Variants in LRRC55 observed in about 807,000 individuals in gnomAD.
The protein encoded by LRRC55 is leucine-rich repeat-containing protein 55.
LRRC55 carries 11 observed loss-of-function variants against 20.5 expected under a neutral mutation model. The observed-to-expected ratio is 0.54, with a 90% CI of 0.34 to 0.89. LRRC55 has a LOEUF of 0.89. Among genes scored for constraint, LRRC55 ranks in the 40% least tolerant of loss-of-function variants. The probability of loss-of-function intolerance (pLI) is 0.02; values close to 1 mark genes in which losing one functional copy is unlikely to be tolerated. For synonymous variants in LRRC55, 188 were observed against 166.6 expected (o/e 1.13, Z -0.99); for missense variants, 358 against 390.9 (o/e 0.92, Z 0.71).
At position 57,187,824 on chromosome 11, in the gene LRRC55, A is replaced by T. The variant is rs550346912; in HGVS notation, c.*344A>T. On this transcript the variant is annotated 3_prime_UTR_variant, in exon 2 of 2. Transcript: ENST00000497933. ...CCATCATCTGTATCTAGCAATGTCC[A>T]TGAGAATTATAAGATTAGAGTGATT... 2 of 370,500 alleles carry T rather than the reference A, an allele frequency of 5.4e-6. No homozygotes were observed. Among genetic ancestry groups the T allele is most frequent in the South Asian group, 5.9e-5 (2 of 33,630 alleles). 23.0% of individuals were successfully genotyped at this position (370,500 alleles called of 1,614,324 possible).
In LRRC55 at chr11:57,182,679, A is replaced by G. The variant is rs762406251; in HGVS notation, c.657A>G (p.Thr219=). The change falls in exon 1 of 2, where the codon ACA becomes ACG. Residue 219 remains threonine (T), a synonymous_variant. Transcript: ENST00000497933. ...TGCGAAACCGGATCCAGCGCTGTACAGCAGGTAATAGAGGGGCAGAACGGG... is the reference window on the plus strand; with the variant it reads ...TGCGAAACCGGATCCAGCGCTGTACGGCAGGTAATAGAGGGGCAGAACGGG... ...KWLRNRIQRC[T]ADSQLAECRG... is the part of the protein sequence containing the mutation. 2.0e-6 allele frequency: 3 copies of G among 1,500,194 alleles called. No homozygotes were observed. Among genetic ancestry groups the G allele is most frequent in the Non-Finnish European group, 2.7e-6 (3 of 1,123,832 alleles). The allele number at this position is 1,500,194 out of a possible 1,614,324, so 92.9% of individuals were successfully genotyped here. A position where few individuals can be genotyped will look rare whatever the true frequency, so the allele number is the denominator to read the frequency against.
chr11:57,182,717 G>A (rs780322178), intron 1 of LRRC55, 34 bp downstream of exon 1: 1 of 1,439,114 alleles, frequency 6.9e-7, no homozygotes, highest in Non-Finnish European at 9.2e-7. Context: ...AGTCAACAGG[G>A]AGGGCTTGCC....
Position 57,182,380 on chromosome 11 carries a change from C to T in LRRC55, c.358C>T (p.Leu120=), listed in dbSNP as rs933090902. The T allele has an allele frequency of 3.7e-6, 6 of 1,613,840 alleles. No individual in the cohort carries two copies. Among genetic ancestry groups the T allele is most frequent in the Non-Finnish European group, 5.1e-6 (6 of 1,179,964 alleles). Reference sequence around the variant, plus strand: ...TGCCAAGCGCTTGGCACACTTGGACCTGAGCTACAACAATTTCAGCCATGT... The same window carrying T: ...TGCCAAGCGCTTGGCACACTTGGACTTGAGCTACAACAATTTCAGCCATGT... ...LHAKRLAHLD[L]SYNNFSHVPA... Residue 120 remains leucine (L), a synonymous_variant, in exon 1 of 2, where the codon CTG becomes TTG. Transcript: ENST00000497933.
intron 1 of LRRC55, among the ~76,000 whole-genome samples, chr11:57,183,242 T>C (rs113129053): frequency 2.0e-5 from 3 of 152,226 alleles, no homozygotes; most frequent in African/African-American, 4.8e-5. Context: ...TTTTTTAGCA[T>C]TCCAAGTGTT....
rs1369691231 is a variant in LRRC55, at chr11:57,190,463, A to G, written c.*2983A>G. On this transcript the variant is annotated 3_prime_UTR_variant, in exon 2 of 2. Transcript: ENST00000497933. ...GCCATCATCTTGTCCAAGCTATCAG[A>G]AGCAACCTTCTAGAGATAATCTAAC... The G allele has an allele frequency of 1.3e-5, 2 of 152,228 alleles. No homozygotes were observed. The highest frequency in any genetic ancestry group is 2.9e-5 in the Non-Finnish European group (2 of 68,056). The allele number at this position is 152,228 out of a possible 1,614,324, so 9.4% of individuals were successfully genotyped here. A position where few individuals can be genotyped will look rare whatever the true frequency, so the allele number is the denominator to read the frequency against.
chr11:57,182,208 C>T lies in LRRC55; in HGVS notation c.186C>T (p.Asp62=). The change falls in exon 1 of 2, where the codon GAC becomes GAT. Residue 62 remains aspartate, a synonymous_variant. Transcript: ENST00000497933. ...SSQRLFSVPP[D]LPMDTRNLSL... ...AGCGGCTATTCTCCGTGCCCCCAGACCTGCCAATGGACACCCGAAACCTCA... is the reference window on the plus strand; with the variant it reads ...AGCGGCTATTCTCCGTGCCCCCAGATCTGCCAATGGACACCCGAAACCTCA... The T allele has an allele frequency of 6.2e-7, 1 of 1,614,230 alleles. No homozygotes were observed. Among genetic ancestry groups the T allele is most frequent in the Non-Finnish European group, 8.5e-7 (1 of 1,180,044 alleles).
intron 1 of LRRC55, among the ~76,000 whole-genome samples, chr11:57,185,443 G>A (rs1854420106): frequency 6.6e-6 from 1 of 151,490 alleles, no homozygotes; most frequent in Non-Finnish European, 1.5e-5. Context: ...ACCACACCCA[G>A]CTAATTTTTG....
Position 57,182,521 on chromosome 11 carries a change from C to T in LRRC55, c.499C>T (p.Leu167=). Residue 167 remains leucine, a synonymous_variant, in exon 1 of 2, where the codon CTG becomes TTG. Transcript: ENST00000497933. ...AFQGLMQLRD[L]DLSYGGLAFL... is the part of the protein sequence containing the mutation. ...TCAGGGCCTCATGCAGCTCCGAGAC[C>T]TGGACCTCAGTTATGGGGGCCTGGC... 1.3e-6 allele frequency: 2 copies of T among 1,593,226 alleles called. No individual in the cohort carries two copies. The highest frequency in any genetic ancestry group is 1.7e-6 in the Non-Finnish European group (2 of 1,166,532).
intron 1 of LRRC55, among the ~76,000 whole-genome samples, chr11:57,184,701 G>C (rs896984161): frequency 6.6e-6 from 1 of 152,154 alleles, no homozygotes. Flanking sequence ...GAACAAAGAG[G>C]GCCATAATAA....
At position 57,182,541 on chromosome 11, in the gene LRRC55, C is replaced by T. The variant is rs1309429375; in HGVS notation, c.519C>T (p.Gly173=). Residue 173 remains glycine, a synonymous_variant, in exon 1 of 2, where the codon GGC becomes GGT. Coordinates refer to ENST00000497933, the MANE Select transcript of LRRC55 (RefSeq NM_001005210.4). ...GAGACCTGGACCTCAGTTATGGGGG[C>T]CTGGCCTTCCTCAGCCTGGAGGCTC... The part of the protein sequence containing the change: ...QLRDLDLSYG[G]LAFLSLEALE... 3 of 1,575,352 alleles carry T rather than the reference C, an allele frequency of 1.9e-6. No individual in the cohort carries two copies. Among genetic ancestry groups the T allele is most frequent in the Non-Finnish European group, 2.6e-6 (3 of 1,158,284 alleles).
In LRRC55 at chr11:57,182,539, G is replaced by A. The variant is rs2135331606; in HGVS notation, c.517G>A (p.Gly173Ser). ...CCGAGACCTGGACCTCAGTTATGGG[G>A]GCCTGGCCTTCCTCAGCCTGGAGGC... The part of the protein sequence containing the change: ...QLRDLDLSYG[G>S]LAFLSLEALE... The change falls in exon 1 of 2, where the codon GGC (glycine) becomes AGC (serine). Residue 173 changes from glycine to serine, a missense_variant. Physicochemically the swap from Gly to Ser is moderately conservative, Grantham distance 56. This residue lies in a region of LRRC55 where 178 missense variants were observed against 207.9 expected (regional missense o/e 0.86). Coordinates refer to ENST00000497933, the MANE Select transcript of LRRC55 (RefSeq NM_001005210.4). 8 of 1,578,088 alleles carry A rather than the reference G, an allele frequency of 5.1e-6. No homozygotes were observed. Among genetic ancestry groups the A allele is most frequent in the East Asian group, 2.3e-5 (1 of 44,404 alleles).
chr11:57,186,876 C>T (rs942731820), intron 1 of LRRC55, among the ~76,000 whole-genome samples: 3 of 152,188 alleles, frequency 2.0e-5, no homozygotes, highest in African/African-American at 2.4e-5. Context: ...GTATTAAAAT[C>T]GTTTGTCAGC....
chr11:57,188,843 C>T lies in LRRC55; in HGVS notation c.*1363C>T, dbSNP rs1227662119. On this transcript the variant is annotated 3_prime_UTR_variant, in exon 2 of 2. Coordinates refer to ENST00000497933, the MANE Select transcript of LRRC55 (RefSeq NM_001005210.4). ...ATCTATTGACTCACTTCTTTCAATT[C>T]TCACAGCAACACTGCCTGGTGGTTT... 6.6e-6 allele frequency: 1 copy of T among 152,344 alleles called. No individual in the cohort carries two copies. The highest frequency in any genetic ancestry group is 6.5e-5 in the Admixed American group (1 of 15,308). 9.4% of individuals were successfully genotyped at this position (152,344 alleles called of 1,614,324 possible). A position where few individuals can be genotyped will look rare whatever the true frequency, so the allele number is the denominator to read the frequency against.
At position 57,182,367 on chromosome 11, in the gene LRRC55, G is replaced by A; in HGVS notation, c.345G>A (p.Leu115=). ...GCCTCTTCCTCCATGCCAAGCGCTTGGCACACTTGGACCTGAGCTACAACA... is the reference window on the plus strand; with the variant it reads ...GCCTCTTCCTCCATGCCAAGCGCTTAGCACACTTGGACCTGAGCTACAACA... ...PRGLFLHAKR[L]AHLDLSYNNF... Residue 115 remains leucine (L), a synonymous_variant, in exon 1 of 2, where the codon TTG becomes TTA. Coordinates refer to ENST00000497933, the MANE Select transcript of LRRC55 (RefSeq NM_001005210.4). 1.9e-6 allele frequency: 3 copies of A among 1,613,816 alleles called. No homozygotes were observed. The highest frequency in any genetic ancestry group is 2.5e-6 in the Non-Finnish European group (3 of 1,179,938).
At position 57,190,637 on chromosome 11, in the gene LRRC55, G is replaced by C. The variant is rs1305322440; in HGVS notation, c.*3157G>C. The C allele has an allele frequency of 6.6e-6, 1 of 152,160 alleles. No individual in the cohort carries two copies. The highest frequency in any genetic ancestry group is 1.5e-5 in the Non-Finnish European group (1 of 68,044). 9.4% of individuals were successfully genotyped at this position (152,160 alleles called of 1,614,324 possible). On this transcript the variant is annotated 3_prime_UTR_variant, in exon 2 of 2. Coordinates refer to ENST00000497933, the MANE Select transcript of LRRC55 (RefSeq NM_001005210.4). ...GTATATTGGCTGTCCGCTGACTTGG[G>C]ACAGATCTCTCTAGAACTTGGGTTC...
chr11:57,185,275 T>C (rs867811852), intron 1 of LRRC55, among the ~76,000 whole-genome samples: 30,757 of 75,560 alleles, frequency 0.41, 5,595 homozygotes, highest in South Asian at 0.59. Flanking sequence ...CTTTTCTTTT[T>C]TTTTTTTTTT....
chr11:57,186,644 G>A (rs71484424), intron 1 of LRRC55, among the ~76,000 whole-genome samples: 6,661 of 152,298 alleles, frequency 0.044, 184 homozygotes, highest in Admixed American at 0.067. Flanking sequence ...TCCCTTCCCC[G>A]CTTCAAGAGG....
At chr11:57,183,530 T>G (rs2135332556) in intron 1 of LRRC55, among the ~76,000 whole-genome samples, 1 of 152,164 alleles carries the variant, frequency 6.6e-6, no homozygotes, top group East Asian at 1.9e-4. Context: ...ATTTGAGTCC[T>G]GGCAATCTCC....
At chr11:57,184,502 C>G (rs1402430787) in intron 1 of LRRC55, among the ~76,000 whole-genome samples, 1 of 152,226 alleles carries the variant, frequency 6.6e-6, no homozygotes, top group South Asian at 2.1e-4. Flanking sequence ...GCTGGAAAGC[C>G]AGGTTCCCTG....
Sources: allele counts gnomAD v4.1 joint callset (sites outside exome capture counted in the v4.1 genomes callset), GRCh38; gene constraint gnomAD v4.1.1; regional missense constraint gnomAD v4.1.1; transcripts MANE v1.5; gene names NCBI Gene and HGNC (gene_info 2026-07-23, HGNC 2026-07-21).